The following DCC variants were observed in gnomAD, a reference collection of about 807,000 sequenced individuals.
The protein encoded by DCC is DCC netrin 1 receptor.
A neutral mutation model predicts 172.5 loss-of-function variants in DCC; 58 were observed. That is an observed-to-expected ratio of 0.34 (90% CI 0.27 to 0.42). The LOEUF (loss-of-function observed/expected upper bound fraction) is 0.42, where lower values mean the gene tolerates loss of function less well. DCC is among the 10% of genes least tolerant of loss of function. DCC has a pLI of 1.00. For synonymous variants in DCC, 709 were observed against 644.5 expected, an observed-to-expected ratio of 1.10 and a Z score of -1.52; for missense variants, 1,740 against 1,791.0, an observed-to-expected ratio of 0.97 and a Z score of 0.51.
At chr18:52,705,663 G>A (rs2036196102) in intron 1 of DCC, among the ~76,000 whole-genome samples, 1 of 152,148 alleles carries the variant, frequency 6.6e-6, no homozygotes, top group Admixed American at 6.5e-5. Flanking sequence ...CACAGATCTT[G>A]ATCTAGCTTT....
chr18:52,885,854 C>T (rs1456654630), intron 2 of DCC, among the ~76,000 whole-genome samples: 1 of 152,004 alleles, frequency 6.6e-6, no homozygotes, highest in Non-Finnish European at 1.5e-5. Context: ...GGCTTAAGGG[C>T]TCTTTAGTCA....
At chr18:52,579,689 C>T (rs1039240889) in intron 1 of DCC, among the ~76,000 whole-genome samples, 4 of 152,204 alleles carry the variant, frequency 2.6e-5, no homozygotes, top group African/African-American at 7.2e-5. Flanking sequence ...CAGTTCTGCA[C>T]TGCCTTTGTG....
At chr18:53,053,183 C>A (rs949636246) in intron 5 of DCC, among the ~76,000 whole-genome samples, 2 of 151,940 alleles carry the variant, frequency 1.3e-5, no homozygotes, top group Non-Finnish European at 2.9e-5. Context: ...AACAAAACAA[C>A]AGAAAAGAAA....
chr18:53,244,880 T>C (rs2056347337), intron 12 of DCC, among the ~76,000 whole-genome samples: 1 of 152,156 alleles, frequency 6.6e-6, no homozygotes, highest in African/African-American at 2.4e-5. Context: ...TTAGATTGCC[T>C]ATACTATATT....
At chr18:53,176,754 T>G (rs1367808432) in intron 8 of DCC, among the ~76,000 whole-genome samples, 2 of 151,530 alleles carry the variant, frequency 1.3e-5, no homozygotes, top group Non-Finnish European at 1.5e-5. Flanking sequence ...GTTCAACCAT[T>G]GTGGAAGTCA....
chr18:52,348,968 T>G (rs1039855410), intron 1 of DCC, among the ~76,000 whole-genome samples: 1 of 152,124 alleles, frequency 6.6e-6, no homozygotes, highest in African/African-American at 2.4e-5. Context: ...AATTTGAGGC[T>G]CCTTATGAAT....
intron 12 of DCC, among the ~76,000 whole-genome samples, chr18:53,274,401 G>A (rs530101848): frequency 6.6e-6 from 1 of 152,208 alleles, no homozygotes; most frequent in South Asian, 2.1e-4. Flanking sequence ...GAACAACTTT[G>A]CTATGTAAGC....
chr18:52,768,619 C>T (rs551356982), intron 2 of DCC, among the ~76,000 whole-genome samples: 11 of 152,262 alleles, frequency 7.2e-5, no homozygotes, highest in African/African-American at 2.6e-4. Flanking sequence ...TTGTGTCTGG[C>T]ATAAGACCTT....
intron 1 of DCC, among the ~76,000 whole-genome samples, chr18:52,342,373 C>T (rs1397493322): frequency 6.6e-6 from 1 of 151,176 alleles, no homozygotes; most frequent in Non-Finnish European, 1.5e-5. Flanking sequence ...CTCCCTCCGT[C>T]TGTCCCTCCC....
chr18:52,844,337 C>CAGACAGACAGAT (rs1555672366), intron 2 of DCC, among the ~76,000 whole-genome samples: 6 of 151,842 alleles, frequency 4.0e-5, no homozygotes, highest in Non-Finnish European at 8.8e-5. Flanking sequence ...GACAGACAGA[C>CAGACAGACAGAT]AGATAGATAG....
At chr18:53,000,695 C>T (rs964410432) in intron 5 of DCC, among the ~76,000 whole-genome samples, 1 of 140,384 alleles carries the variant, frequency 7.1e-6, no homozygotes, top group Non-Finnish European at 1.5e-5. Flanking sequence ...CACAGCCAGA[C>T]AAAAGTCAGG....
At position 52,763,614 on chromosome 18, in the gene DCC, T is replaced by C. The variant is rs1394975706; in HGVS notation, c.412+11240T>C. Among the ~76,000 whole-genome samples the C allele has an allele frequency of 1.3e-5, 2 of 152,254 alleles. 1 individual carries two copies. Among genetic ancestry groups the C allele is most frequent in the African/African-American group, 4.8e-5 (2 of 41,468 alleles). ...AATATCTGGGATTTGTTTATTTGTT[T>C]TTATTGGGAAATAGTTTATATACCA... is the stretch of plus-strand genomic sequence containing the variant. On this transcript the variant is annotated intron_variant, in intron 2 of 28. Transcript: ENST00000442544.
At chr18:53,256,219 T>C (rs1386114982) in intron 12 of DCC, among the ~76,000 whole-genome samples, 1 of 152,158 alleles carries the variant, frequency 6.6e-6, no homozygotes, top group African/African-American at 2.4e-5. Context: ...TTAGTTTAAT[T>C]AGATCCCATT....
chr18:53,173,467 C>T (rs1373048881), intron 8 of DCC, among the ~76,000 whole-genome samples: 1 of 152,058 alleles, frequency 6.6e-6, no homozygotes, highest in Non-Finnish European at 1.5e-5. Flanking sequence ...CCATCACCAC[C>T]ATCTGTCCAC....
chr18:52,571,023 C>T (rs970402251), intron 1 of DCC, among the ~76,000 whole-genome samples: 13 of 152,136 alleles, frequency 8.5e-5, no homozygotes, highest in African/African-American at 1.2e-4. Flanking sequence ...TTGAAATGCA[C>T]ATTCTTTCCT....
At chr18:52,537,332 G>T (rs2032316698) in intron 1 of DCC, among the ~76,000 whole-genome samples, 1 of 152,172 alleles carries the variant, frequency 6.6e-6, no homozygotes, top group African/African-American at 2.4e-5. Context: ...ACAAGAAACT[G>T]TTGGGAAGAA....
chr18:53,326,867 G>T (rs909993060), intron 14 of DCC, among the ~76,000 whole-genome samples: 2 of 152,316 alleles, frequency 1.3e-5, no homozygotes, highest in Admixed American at 6.5e-5. Context: ...ATTCTTTGCT[G>T]TAGCTGAAGA....
intron 15 of DCC, among the ~76,000 whole-genome samples, chr18:53,363,216 G>C (rs1402907362): frequency 6.6e-6 from 1 of 152,108 alleles, no homozygotes; most frequent in Non-Finnish European, 1.5e-5. Context: ...CTCTTGAAAG[G>C]CAAATACAGC....
At chr18:53,080,977 G>T (rs2144134782) in intron 7 of DCC, among the ~76,000 whole-genome samples, 1 of 152,162 alleles carries the variant, frequency 6.6e-6, no homozygotes, top group South Asian at 2.1e-4. Context: ...GGAACTCATT[G>T]CACTGCCATC....
Sources: gnomAD v4.1 joint callset for allele counts (sites outside exome capture counted in the v4.1 genomes callset) on GRCh38, gnomAD v4.1.1 for gene constraint, MANE v1.5 for transcripts, NCBI Gene and HGNC (gene_info 2026-07-23, HGNC 2026-07-21) for gene names.